Variants in ACACA observed in about 807,000 individuals in gnomAD.
ACACA encodes acetyl-CoA carboxylase 1.
In ACACA, 103 loss-of-function variants were observed where a neutral mutation model predicts 296.1. The observed-to-expected ratio is 0.35, with a 90% CI of 0.30 to 0.41. The LOEUF (loss-of-function observed/expected upper bound fraction) is 0.41, where lower values mean the gene tolerates loss of function less well. ACACA is among the 10% of genes least tolerant of loss of function. The pLI is 1.00. For missense variants in ACACA, 1,554 were observed against 2,989.7 expected (o/e 0.52, Z 11.20); for synonymous variants, 953 against 1,038.6 (o/e 0.92, Z 1.58).
At position 37,262,811 on chromosome 17, in the gene ACACA, C is replaced by T. The variant is rs569819515; in HGVS notation, c.1329+874G>A. Among the ~76,000 whole-genome samples the T allele has an allele frequency of 2.2e-4, 34 of 152,276 alleles. No homozygotes were observed. The South Asian group carries it at 6.2e-3, about 28-fold the overall frequency. On this transcript the variant is annotated intron_variant, in intron 11 of 55. Transcript: ENST00000616317. ...GTAGCATGATCAAGGCTCACTGCAGCTTTGACCTCCCAGTGTCAAGTGATC... is the reference window on the plus strand; with the variant it reads ...GTAGCATGATCAAGGCTCACTGCAGTTTTGACCTCCCAGTGTCAAGTGATC...
chr17:37,128,024 CAAAAAAAAAAAAAAA>C (rs1173864454), intron 47 of ACACA, among the ~76,000 whole-genome samples: 12 of 39,716 alleles, frequency 3.0e-4, no homozygotes, highest in African/African-American at 1.0e-3. Flanking sequence ...AACTCCATCT[CAAAAAAAAAAAAAAA>C]AAAAAAAAAA....
intron 1 of ACACA, among the ~76,000 whole-genome samples, chr17:37,357,671 T>C (rs1395786562): frequency 1.3e-5 from 2 of 152,196 alleles, no homozygotes; most frequent in Non-Finnish European, 1.5e-5. Context: ...ATGAAGAAAC[T>C]GAGGCAAGAG....
At chr17:37,100,683 A>G (rs2073310122) in intron 52 of ACACA, among the ~76,000 whole-genome samples, 1 of 152,178 alleles carries the variant, frequency 6.6e-6, no homozygotes, top group Non-Finnish European at 1.5e-5. Context: ...TAAAATTTTA[A>G]TATGAATCAT....
intron 31 of ACACA, 47 bp from the exon 32 acceptor site, chr17:37,206,926 G>T: frequency 6.8e-7 from 1 of 1,467,380 alleles, no homozygotes; most frequent in South Asian, 1.1e-5. Flanking sequence ...CAAGTGGCAT[G>T]AAACTAACAC....
At chr17:37,140,317 A>G (rs967581096) in intron 45 of ACACA, among the ~76,000 whole-genome samples, 27 of 152,214 alleles carry the variant, frequency 1.8e-4, no homozygotes, top group Admixed American at 1.3e-3. Context: ...ATGCTCTTCA[A>G]CTTCCATTCC....
At chr17:37,335,967 A>G (rs1358055493) in intron 2 of ACACA, among the ~76,000 whole-genome samples, 3 of 152,226 alleles carry the variant, frequency 2.0e-5, no homozygotes, top group East Asian at 3.9e-4. Context: ...AGGAGCTGCA[A>G]AACACTGGAC....
chr17:37,252,132 G>A (rs1259958085), intron 15 of ACACA, 24 bp from the exon 16 acceptor site: 3 of 1,587,840 alleles, frequency 1.9e-6, no homozygotes, highest in Admixed American at 3.3e-5. Context: ...AAAGAGGGCA[G>A]ATCAAATGCA....
chr17:37,376,222 C>A, intron 1 of ACACA: 1 of 1,287,222 alleles, frequency 7.8e-7, no homozygotes. Context: ...GGGTCTCTTC[C>A]ACCAGATAGA....
intron 1 of ACACA, among the ~76,000 whole-genome samples, chr17:37,385,433 A>G (rs1292968255): frequency 6.6e-6 from 1 of 152,002 alleles, no homozygotes; most frequent in Non-Finnish European, 1.5e-5. Flanking sequence ...AGATCACACC[A>G]TTGCACTCCA....
At chr17:37,216,040 T>A (rs1184737923) in intron 29 of ACACA, among the ~76,000 whole-genome samples, 1 of 147,438 alleles carries the variant, frequency 6.8e-6, no homozygotes, top group Non-Finnish European at 1.5e-5. Context: ...CACAAGTCAG[T>A]TAAAAAATGA....
chr17:37,206,837 G>A lies in ACACA; in HGVS notation c.3894C>T (p.Pro1298=). Residue 1298 remains proline, a synonymous_variant, in exon 32 of 56, where the codon CCC becomes CCT. Transcript: ENST00000616317. The part of the protein sequence containing the change: ...EVMGCFSDSP[P]QSPTFPEAGH... ...CTGCCTCAGGGAATGTGGGACTCTG[G>A]GGTGGGGAGTCAGAGAAGCAGCCCA... The A allele has an allele frequency of 3.1e-6, 5 of 1,613,854 alleles. No homozygotes were observed. Among genetic ancestry groups the A allele is most frequent in the Non-Finnish European group, 3.4e-6 (4 of 1,179,790 alleles).
chr17:37,394,217 T>TA (rs948501722), intron 1 of ACACA, among the ~76,000 whole-genome samples: 2 of 147,834 alleles, frequency 1.4e-5, no homozygotes, highest in Non-Finnish European at 3.0e-5. Context: ...TTCTTTTTCT[T>TA]TTTTTTTTTT....
intron 41 of ACACA, among the ~76,000 whole-genome samples, chr17:37,166,490 A>T (rs895933834): frequency 5.3e-5 from 8 of 152,208 alleles, no homozygotes; most frequent in Admixed American, 1.3e-4. Context: ...GGCTTAGAAC[A>T]TTGCCACTTA....
Position 37,330,259 on chromosome 17 carries a change from G to A in ACACA, c.252C>T (p.Gly84=). Residue 84 remains glycine, a synonymous_variant, in exon 3 of 56, where the codon GGC becomes GGT. Transcript: ENST00000616317. ...VKLDLLEEKE[G]SLSPASVGSD... ...AGCCAACAGAAGCAGGTGACAAGGA[G>A]CCCTCCTTCTCCTCCAGTAGGTCCA... 1 of 1,614,170 alleles carries A rather than the reference G, an allele frequency of 6.2e-7. No individual in the cohort carries two copies. The highest frequency in any genetic ancestry group is 2.2e-5 in the East Asian group (1 of 44,880).
intron 45 of ACACA, among the ~76,000 whole-genome samples, chr17:37,146,990 G>A (rs919823439): frequency 6.6e-6 from 1 of 152,002 alleles, no homozygotes; most frequent in African/African-American, 2.4e-5. Flanking sequence ...GTCAGGAGAC[G>A]TGCATTATCA....
intron 25 of ACACA, among the ~76,000 whole-genome samples, chr17:37,230,239 C>G (rs1380458686): frequency 6.6e-6 from 1 of 151,592 alleles, no homozygotes; most frequent in Non-Finnish European, 1.5e-5. Context: ...ACAAAATTAA[C>G]TGGGTGCAGT....
chr17:37,087,140 A>T lies in ACACA; in HGVS notation c.*176T>A. The stretch of plus-strand genomic sequence containing the variant: ...GGTGTGACTGGTGGGCTGGAGGGGG[A>T]TTCTGTGATCTTACATCCCAGGATG... On this transcript the variant is annotated 3_prime_UTR_variant, in exon 56 of 56. Coordinates refer to ENST00000616317, the MANE Select transcript of ACACA (RefSeq NM_198834.3). 1.2e-6 allele frequency: 1 copy of T among 853,132 alleles called. No individual in the cohort carries two copies. Among genetic ancestry groups the T allele is most frequent in the South Asian group, 1.6e-5 (1 of 62,692 alleles). The allele number at this position is 853,132 out of a possible 1,614,324, so 52.8% of individuals were successfully genotyped here.
At chr17:37,180,593 G>C (rs2144855789) in intron 40 of ACACA, among the ~76,000 whole-genome samples, 1 of 152,252 alleles carries the variant, frequency 6.6e-6, no homozygotes, top group South Asian at 2.1e-4. Context: ...AGAAAAATCT[G>C]CAGCATAGAG....
At chr17:37,111,041 C>T (rs779537267) in intron 52 of ACACA, among the ~76,000 whole-genome samples, 1 of 152,152 alleles carries the variant, frequency 6.6e-6, no homozygotes, top group Non-Finnish European at 1.5e-5. Context: ...ATTCTGGCTG[C>T]AGCTACTGTT....
Sources: gnomAD v4.1 joint callset for allele counts (sites outside exome capture counted in the v4.1 genomes callset) on GRCh38, gnomAD v4.1.1 for gene constraint, MANE v1.5 for transcripts, NCBI Gene and HGNC (gene_info 2026-07-23, HGNC 2026-07-21) for gene names.